LARGE1: variants seen among roughly 807,000 people sequenced by gnomAD.
LARGE1 encodes the protein LARGE xylosyl- and glucuronyltransferase 1.
In LARGE1, 43 loss-of-function variants were observed where a neutral mutation model predicts 87.6. The ratio of observed to expected loss-of-function variants is 0.49; its 90% CI spans 0.38 to 0.63. The LOEUF (loss-of-function observed/expected upper bound fraction) is 0.63, where lower values mean the gene tolerates loss of function less well. Ranked by LOEUF, LARGE1 falls within the 30% of genes least tolerant of loss-of-function variation. The probability of loss-of-function intolerance (pLI) is 0.00; values close to 1 mark genes in which losing one functional copy is unlikely to be tolerated. For synonymous variants in LARGE1, 434 were observed against 394.6 expected (o/e 1.10, Z -1.18); for missense variants, 802 against 1,000.2 (o/e 0.80, Z 2.67).
At chr22:33,245,061 C>G (rs1477693096) in intron 11 of LARGE1, among the ~76,000 whole-genome samples, 1 of 152,214 alleles carries the variant, frequency 6.6e-6, no homozygotes, top group Non-Finnish European at 1.5e-5. Context: ...TTTAGTCCAT[C>G]CCTGGAGAAC....
At position 33,227,722 on chromosome 22, in the gene LARGE1, C is replaced by G. The variant is rs113083855; in HGVS notation, c.1731-60890G>C. On this transcript the variant is annotated intron_variant, in intron 11 of 11. Transcript: ENST00000608642. ...GCTTTTAGAAGAAATAAAGCTGGATCTAAAAGAAAAAGTTTCCACAATGCT... is the reference window on the plus strand; with the variant it reads ...GCTTTTAGAAGAAATAAAGCTGGATGTAAAAGAAAAAGTTTCCACAATGCT... Among the ~76,000 whole-genome samples the G allele has an allele frequency of 7.6e-3, 1,156 of 152,272 alleles. 6 individuals carry two copies. The highest frequency in any genetic ancestry group is 0.012 in the Admixed American group (179 of 15,286).
intron 5 of LARGE1, among the ~76,000 whole-genome samples, chr22:33,602,203 A>G (rs2079130822): frequency 6.6e-6 from 1 of 152,222 alleles, no homozygotes; most frequent in South Asian, 2.1e-4. Context: ...GAGAGAACCA[A>G]GGTTCAAAAC....
intron 1 of LARGE1, among the ~76,000 whole-genome samples, chr22:33,877,998 TTA>T (rs920782816): frequency 6.6e-6 from 1 of 151,430 alleles, no homozygotes; most frequent in South Asian, 2.1e-4. Flanking sequence ...ACATTTGAAT[TTA>T]TATATATATA....
At chr22:33,875,524 G>A (rs910110709) in intron 1 of LARGE1, among the ~76,000 whole-genome samples, 16 of 152,188 alleles carry the variant, frequency 1.1e-4, no homozygotes, top group African/African-American at 3.4e-4. Flanking sequence ...AGGCTGAGCA[G>A]AGATGGCCCT....
chr22:33,646,366 G>A (rs182139641), intron 3 of LARGE1, among the ~76,000 whole-genome samples: 10 of 152,152 alleles, frequency 6.6e-5, no homozygotes, highest in South Asian at 6.2e-4. Flanking sequence ...GTTCTCTCTC[G>A]TAAGTGGGAG....
At chr22:33,586,260 C>T (rs1285566629) in intron 5 of LARGE1, among the ~76,000 whole-genome samples, 2 of 152,264 alleles carry the variant, frequency 1.3e-5, no homozygotes, top group Admixed American at 6.5e-5. Context: ...GGTAGGCGCT[C>T]GCATGCACAC....
At chr22:33,878,225 C>T (rs2064545179) in intron 1 of LARGE1, among the ~76,000 whole-genome samples, 3 of 124,872 alleles carry the variant, frequency 2.4e-5, no homozygotes, top group African/African-American at 8.8e-5. Flanking sequence ...TCAACCTCCA[C>T]CTTCTGGTTT....
At chr22:33,348,930 A>G (rs1042667149) in intron 9 of LARGE1, among the ~76,000 whole-genome samples, 6 of 152,066 alleles carry the variant, frequency 3.9e-5, no homozygotes, top group Non-Finnish European at 8.8e-5. Flanking sequence ...AATAAGTCTC[A>G]CAAAATCTGA....
chr22:33,176,517 A>G (rs895828332), intron 11 of LARGE1, among the ~76,000 whole-genome samples: 1 of 152,248 alleles, frequency 6.6e-6, no homozygotes, highest in Non-Finnish European at 1.5e-5. Flanking sequence ...GAGACTTTTC[A>G]AAAGAAGGCA....
chr22:33,910,131 T>A lies in LARGE1; in HGVS notation c.-83+9864A>T, dbSNP rs112964938. On this transcript the variant is annotated intron_variant, in intron 1 of 14. Transcript: ENST00000397394. ...TTGTTGCTCGTAACTGTTCATTTAA[T>A]CTTCTATTGTTGCTTAACTTATGAC... Among the ~76,000 whole-genome samples the A allele has an allele frequency of 8.5e-5, 13 of 152,338 alleles. 1 individual carries two copies. The highest frequency in any genetic ancestry group is 3.1e-4 in the African/African-American group (13 of 41,572).
Position 33,442,935 on chromosome 22 carries a change from G to C in LARGE1, c.788-10670C>G, listed in dbSNP as rs937903582. The stretch of plus-strand genomic sequence containing the variant: ...AGCCTCCCGAGTAGCTGGGACTACA[G>C]GCGCCCGCACCACATCCGGCTAATT... On this transcript the variant is annotated intron_variant, in intron 6 of 14. Transcript: ENST00000397394. 5.9e-5 allele frequency among the ~76,000 whole-genome samples: 9 copies of C among 152,072 alleles called. No homozygotes were observed. The East Asian group carries it at 1.7e-3, about 29-fold the overall frequency.
Position 33,814,237 on chromosome 22 carries a change from C to A in LARGE1, c.-82-52679G>T, listed in dbSNP as rs1022927738. Among the ~76,000 whole-genome samples, 5 of 152,154 alleles carry A rather than the reference C, an allele frequency of 3.3e-5. No homozygotes were observed. In the South Asian group the frequency reaches 1.0e-3, roughly 31 times the overall value. ...ACTCAAATCATTCTCTTCAACCTGACCTCGCCCCTGAAAATCTATCCCTAA... is the reference window on the plus strand; with the variant it reads ...ACTCAAATCATTCTCTTCAACCTGAACTCGCCCCTGAAAATCTATCCCTAA... On this transcript the variant is annotated intron_variant, in intron 1 of 14. Coordinates refer to ENST00000397394, the MANE Select transcript of LARGE1 (RefSeq NM_133642.5).
In LARGE1 at chr22:33,519,233, C is replaced by CGTGTGTGTGT. The variant is rs1021630518; in HGVS notation, c.787+45614_787+45615insACACACACAC. ...GGTCCCTGAGCTGCGTGCGTGCGCGCGCGTGTGTGTGTGTGTGTGTGTGTG... is the reference window on the plus strand; with the variant it reads ...GGTCCCTGAGCTGCGTGCGTGCGCGCGTGTGTGTGTGCGTGTGTGTGTGTGTGTGTGTGTG... On this transcript the variant is annotated intron_variant, in intron 6 of 14. Transcript: ENST00000397394. 6.5e-3 allele frequency among the ~76,000 whole-genome samples: 789 copies of CGTGTGTGTGT among 121,382 alleles called. 8 individuals carry two copies. The highest frequency in any genetic ancestry group is 0.019 in the African/African-American group (735 of 38,566). The allele number at this position is 121,382 out of a possible 152,430, so 79.6% of individuals were successfully genotyped here. A position where few individuals can be genotyped will look rare whatever the true frequency, so the allele number is the denominator to read the frequency against.
intron 1 of LARGE1, among the ~76,000 whole-genome samples, chr22:33,825,728 G>C (rs1309944119): frequency 2.0e-5 from 3 of 152,100 alleles, no homozygotes; most frequent in African/African-American, 7.2e-5. Context: ...GATTTGGGTG[G>C]GGCCACAGCA....
chr22:33,357,324 G>A (rs1350466894), intron 9 of LARGE1, among the ~76,000 whole-genome samples: 1 of 150,004 alleles, frequency 6.7e-6, no homozygotes, highest in Non-Finnish European at 1.5e-5. Context: ...CAAAGAGCAT[G>A]GAATAACAGA....
At chr22:33,707,833 C>T (rs762084274) in intron 2 of LARGE1, among the ~76,000 whole-genome samples, 44 of 152,112 alleles carry the variant, frequency 2.9e-4, no homozygotes, top group Non-Finnish European at 4.4e-4. Flanking sequence ...GCCCTGGGGG[C>T]GAGAACCCCC....
intron 6 of LARGE1, among the ~76,000 whole-genome samples, chr22:33,499,114 T>C (rs2070307709): frequency 6.6e-6 from 1 of 152,236 alleles, no homozygotes; most frequent in African/African-American, 2.4e-5. Flanking sequence ...TCTTTGACAC[T>C]GCAGTTTACC....
intron 6 of LARGE1, among the ~76,000 whole-genome samples, chr22:33,456,270 C>A (rs2068126696): frequency 6.6e-6 from 1 of 152,164 alleles, no homozygotes; most frequent in Non-Finnish European, 1.5e-5. Context: ...AGCTGTTGAG[C>A]CACTGAAGAC....
intron 1 of LARGE1, among the ~76,000 whole-genome samples, chr22:33,903,110 C>T (rs1421545914): frequency 6.6e-6 from 1 of 152,016 alleles, no homozygotes; most frequent in Non-Finnish European, 1.5e-5. Flanking sequence ...GCAGCCCAGG[C>T]AACAAGAGCG....
Sources: gnomAD v4.1 joint callset for allele counts (sites outside exome capture counted in the v4.1 genomes callset) on GRCh38, gnomAD v4.1.1 for gene constraint, MANE v1.5 for transcripts, NCBI Gene and HGNC (gene_info 2026-07-23, HGNC 2026-07-21) for gene names.